The following RANBP2 variants were observed in gnomAD, a reference collection of about 807,000 sequenced individuals.
The protein encoded by RANBP2 is E3 SUMO-protein ligase RanBP2.
Under a neutral mutation model 303.6 loss-of-function variants are expected in RANBP2, and 57 were observed. That is an observed-to-expected ratio of 0.19 (90% CI 0.15 to 0.23). The LOEUF is 0.23. RANBP2 is among the 10% of genes least tolerant of loss of function. RANBP2 has a pLI of 1.00. For missense variants in RANBP2, 3,138 were observed against 3,780.8 expected, an observed-to-expected ratio of 0.83 and a Z score of 4.46; for synonymous variants, 1,167 against 1,301.5, an observed-to-expected ratio of 0.90 and a Z score of 2.23.
the RANBP2 span, among the ~76,000 whole-genome samples, chr2:109,166,992 A>G: frequency 6.6e-5 from 10 of 152,320 alleles, no homozygotes; most frequent in African/African-American, 1.7e-4. Context: ...CCAGCAAGCT[A>G]AGTAGCTTGA....
chr2:109,231,164 A>G, the RANBP2 span, among the ~76,000 whole-genome samples: 21,701 of 152,220 alleles, frequency 0.14, 2,897 homozygotes, highest in African/African-American at 0.34. Context: ...TCCCGGAGCC[A>G]GGCCAGAGCG....
chr2:109,429,139 G>A, the RANBP2 span, among the ~76,000 whole-genome samples: 3 of 152,220 alleles, frequency 2.0e-5, no homozygotes, highest in South Asian at 2.1e-4. Flanking sequence ...GGCCGGTCTC[G>A]GCACAAATTG....
chr2:109,298,150 G>A, the RANBP2 span, among the ~76,000 whole-genome samples: 1,472 of 152,324 alleles, frequency 9.7e-3, 26 homozygotes, highest in African/African-American at 0.034. Context: ...AGCCAAGGGC[G>A]GGTGGATGGC....
At chr2:109,734,743 A>G in the RANBP2 span, among the ~76,000 whole-genome samples, 1 of 152,240 alleles carries the variant, frequency 6.6e-6, no homozygotes, top group Admixed American at 6.5e-5. Context: ...TTCAAAACTT[A>G]CTACAAAGCT....
the RANBP2 span, among the ~76,000 whole-genome samples, chr2:109,200,016 A>G: frequency 1.3e-5 from 2 of 152,024 alleles, no homozygotes; most frequent in Non-Finnish European, 2.9e-5. Context: ...GCTGCTGAGC[A>G]TGCTGTGATG....
At chr2:109,734,331 A>T in the RANBP2 span, among the ~76,000 whole-genome samples, 6 of 152,286 alleles carry the variant, frequency 3.9e-5, no homozygotes, top group African/African-American at 1.4e-4. Flanking sequence ...CAAAATCAAC[A>T]CACAAAAACA....
chr2:109,650,478 G>A, the RANBP2 span, among the ~76,000 whole-genome samples: 1 of 152,168 alleles, frequency 6.6e-6, no homozygotes, highest in African/African-American at 2.4e-5. Context: ...CTATCTGAGT[G>A]GGGAGACCGG....
chr2:109,149,405 T>C, the RANBP2 span, among the ~76,000 whole-genome samples: 1 of 152,258 alleles, frequency 6.6e-6, no homozygotes, highest in East Asian at 1.9e-4. Context: ...GCTATTAATA[T>C]TCACATTGAC....
the RANBP2 span, among the ~76,000 whole-genome samples, chr2:109,716,903 A>G: frequency 1.3e-4 from 20 of 152,226 alleles, no homozygotes; most frequent in African/African-American, 3.9e-4. Flanking sequence ...TTGTAGAGAT[A>G]TTTAACCTTT....
the RANBP2 span, chr2:109,502,289 G>GT: frequency 6.6e-6 from 1 of 152,172 alleles, no homozygotes; most frequent in Admixed American, 6.5e-5. Context: ...AACACTTTCT[G>GT]TTCACCACCA....
the RANBP2 span, among the ~76,000 whole-genome samples, chr2:108,794,331 C>G: frequency 6.6e-6 from 1 of 151,782 alleles, no homozygotes; most frequent in East Asian, 1.9e-4. Context: ...AGAAAAGTTG[C>G]AAAGATAGTG....
the RANBP2 span, among the ~76,000 whole-genome samples, chr2:109,287,697 C>T: frequency 1.3e-5 from 2 of 152,136 alleles, no homozygotes; most frequent in Non-Finnish European, 2.9e-5. Flanking sequence ...CTATCAGAGG[C>T]CTCAGATCTC....
chr2:109,665,366 C>CAG, the RANBP2 span: 142,518 of 147,436 alleles, frequency 0.97, 69,028 homozygotes, highest in Non-Finnish European at 0.99. Context: ...TTTTTTGAAA[C>CAG]AGTTTCGCTC....
At chr2:109,116,660 T>C in the RANBP2 span, among the ~76,000 whole-genome samples, 5 of 152,256 alleles carry the variant, frequency 3.3e-5, no homozygotes, top group Non-Finnish European at 5.9e-5. Context: ...CCAGCTTTGT[T>C]CCATTGCTGG....
At chr2:109,225,470 G>C in the RANBP2 span, among the ~76,000 whole-genome samples, 9 of 152,298 alleles carry the variant, frequency 5.9e-5, no homozygotes, top group African/African-American at 2.2e-4. Context: ...AGGCCAGGCC[G>C]ACTCCCCACT....
the RANBP2 span, among the ~76,000 whole-genome samples, chr2:108,809,624 T>G: frequency 6.6e-6 from 1 of 152,188 alleles, no homozygotes. Flanking sequence ...TCTTTCTTTT[T>G]CAGTTAGTTT....
rs1207611684 is a variant in RANBP2 at position 108,783,808 on chromosome 2, T to C, written c.9582T>C (p.Asp3194=). 1.2e-6 allele frequency: 2 copies of C among 1,612,334 alleles called. No homozygotes were observed. Among genetic ancestry groups the C allele is most frequent in the South Asian group, 2.2e-5 (2 of 91,042 alleles). Residue 3194 remains aspartate, a synonymous_variant, in exon 29 of 29, where the codon GAT becomes GAC. Transcript: ENST00000283195. ...ATGTAGTATTTGGGTTTGTTAAGGA[T>C]GGCATGGATACTGTGAAAAAGATTG... ...FKHVVFGFVK[D]GMDTVKKIES...
the RANBP2 span, among the ~76,000 whole-genome samples, chr2:109,422,332 G>T: frequency 6.6e-6 from 1 of 152,294 alleles, no homozygotes; most frequent in Non-Finnish European, 1.5e-5. Flanking sequence ...TGATCTTCAT[G>T]ATTGCATAGC....
chr2:108,766,484 A>G lies in RANBP2; in HGVS notation c.5945A>G (p.Gln1982Arg), dbSNP rs2919158. 9.3e-6 allele frequency: 15 copies of G among 1,611,986 alleles called. No homozygotes were observed. Among genetic ancestry groups the G allele is most frequent in the East Asian group, 2.2e-5 (1 of 44,878 alleles). The part of the protein sequence containing the change: ...SGAGEKLFSS[Q>R]YGKMANKANT... Reference sequence around the variant, plus strand: ...GCTGGAGAAAAATTATTCTCATCACAATACGGTAAAATGGCCAATAAAGCA... The same window carrying G: ...GCTGGAGAAAAATTATTCTCATCACGATACGGTAAAATGGCCAATAAAGCA... Residue 1982 changes from glutamine (Q) to arginine (R), a missense_variant, in exon 20 of 29, where the codon CAA becomes CGA. By Grantham distance (43) the Gln-to-Arg change is conservative. Around this residue, in one of 20 missense-constraint regions of RANBP2, gnomAD observed 348 missense variants for 360.4 expected, o/e 0.97. Transcript: ENST00000283195.
Sources: gnomAD v4.1 joint callset for allele counts (sites outside exome capture counted in the v4.1 genomes callset) on GRCh38, gnomAD v4.1.1 for gene constraint, gnomAD v4.1.1 regional missense constraint, MANE v1.5 for transcripts, NCBI Gene and HGNC (gene_info 2026-07-23, HGNC 2026-07-21) for gene names.